Variants in GABPB1 observed in about 807,000 individuals in gnomAD.
GABPB1 encodes GA-binding protein subunit beta-1.
A neutral mutation model predicts 45.9 loss-of-function variants in GABPB1; 15 were observed. That is an observed-to-expected ratio of 0.33 (90% CI 0.22 to 0.50). The LOEUF (loss-of-function observed/expected upper bound fraction) is 0.50. Ranked by LOEUF, GABPB1 falls within the 20% of genes least tolerant of loss-of-function variation. The probability of loss-of-function intolerance (pLI) is 0.98; values close to 1 mark genes in which losing one functional copy is unlikely to be tolerated. For synonymous variants in GABPB1, 143 were observed against 154.4 expected (o/e 0.93, Z 0.55); for missense variants, 252 against 457.5 (o/e 0.55, Z 4.10).
At position 50,324,689 on chromosome 15, in the gene GABPB1, C is replaced by T. The variant is rs549302994; in HGVS notation, c.1-14891G>A. Among the ~76,000 whole-genome samples the T allele has an allele frequency of 7.2e-5, 11 of 151,942 alleles. No homozygotes were observed. The South Asian group carries it at 1.0e-3, about 14-fold the overall frequency. ...CCTCCCAAGTAGCTCGGATTACAGG[C>T]GCATGCCACCACGCCCAGCTAATTT... On this transcript the variant is annotated intron_variant, in intron 1 of 8. Coordinates refer to ENST00000380877, the MANE Select transcript of GABPB1 (RefSeq NM_016654.5).
intron 2 of GABPB1, among the ~76,000 whole-genome samples, chr15:50,304,387 C>T (rs2046866980): frequency 6.6e-6 from 1 of 152,112 alleles, no homozygotes; most frequent in African/African-American, 2.4e-5. Context: ...ATCAGATAAA[C>T]TGCCTGAACA....
chr15:50,305,590 T>A (rs1265951906), intron 2 of GABPB1, among the ~76,000 whole-genome samples: 1 of 152,184 alleles, frequency 6.6e-6, no homozygotes, highest in Non-Finnish European at 1.5e-5. Context: ...TCTTTCTCCA[T>A]GCTTTGTCAA....
chr15:50,298,963 AAAAG>A (rs1352519456), intron 6 of GABPB1, among the ~76,000 whole-genome samples: 1 of 151,760 alleles, frequency 6.6e-6, no homozygotes, highest in Non-Finnish European at 1.5e-5. Context: ...AAAAAAAAAA[AAAAG>A]AAAGAGAAAA....
rs1006975347 is a variant in GABPB1, at chr15:50,344,853, TAATA to T, written c.-1+10128_-1+10131del. On this transcript the variant is annotated intron_variant, in intron 1 of 8. Transcript: ENST00000380877. ...AACTCCGTCTCAAAAAAACAAAAAATAATAAATAAATAAAGCAAAAGTATGCATC... is the reference window on the plus strand; with the variant it reads ...AACTCCGTCTCAAAAAAACAAAAAATAATAAATAAAGCAAAAGTATGCATC... Among the ~76,000 whole-genome samples, 12 of 151,850 alleles carry T rather than the reference TAATA, an allele frequency of 7.9e-5. No individual in the cohort carries two copies. The South Asian group carries it at 1.9e-3, about 24-fold the overall frequency.
In GABPB1 at chr15:50,289,649, T is replaced by C; in HGVS notation, c.717A>G (p.Val239=). The C allele has an allele frequency of 6.2e-7, 1 of 1,610,558 alleles. No homozygotes were observed. The highest frequency in any genetic ancestry group is 1.1e-5 in the South Asian group (1 of 90,382). Residue 239 remains valine (V), a synonymous_variant, in exon 7 of 9, where the codon GTA becomes GTG. Transcript: ENST00000380877. ...SETPVVATEE[V]VTAESVDGAI... ...CACCATCCACAGATTCTGCAGTAAC[T>C]ACTTCTTCTGTGGCCACTACTGGAA...
At chr15:50,299,349 T>A (rs1465754598) in intron 6 of GABPB1, among the ~76,000 whole-genome samples, 4 of 152,258 alleles carry the variant, frequency 2.6e-5, no homozygotes, top group African/African-American at 9.6e-5. Context: ...GTAAATCTTG[T>A]ATAAACCAAA....
chr15:50,320,774 C>G (rs2047541526), intron 1 of GABPB1, among the ~76,000 whole-genome samples: 1 of 152,058 alleles, frequency 6.6e-6, no homozygotes, highest in South Asian at 2.1e-4. Context: ...CAGAAGGTCA[C>G]AGTCAGGGAG....
At chr15:50,301,861 CA>C (rs1275392656) in intron 4 of GABPB1, among the ~76,000 whole-genome samples, 2 of 152,214 alleles carry the variant, frequency 1.3e-5, no homozygotes, top group Non-Finnish European at 2.9e-5. Context: ...CATAATACCA[CA>C]TATATAAAGC....
chr15:50,315,899 A>AC (rs567793645), intron 1 of GABPB1, among the ~76,000 whole-genome samples: 114 of 152,130 alleles, frequency 7.5e-4, no homozygotes, highest in African/African-American at 2.7e-3. Flanking sequence ...ACATGGTGAA[A>AC]CCCCGCCCAT....
chr15:50,323,445 C>T (rs1001205872), intron 1 of GABPB1, among the ~76,000 whole-genome samples: 5 of 152,118 alleles, frequency 3.3e-5, no homozygotes, highest in Admixed American at 6.6e-5. Context: ...AAAAAAAACA[C>T]GTGCAGAGGC....
At chr15:50,329,403 T>C (rs1020997501) in intron 1 of GABPB1, among the ~76,000 whole-genome samples, 1 of 152,236 alleles carries the variant, frequency 6.6e-6, no homozygotes, top group Non-Finnish European at 1.5e-5. Flanking sequence ...TGTATCTCTA[T>C]TGATTCGTAA....
intron 6 of GABPB1, among the ~76,000 whole-genome samples, chr15:50,296,007 C>T (rs1229275172): frequency 1.3e-5 from 2 of 152,132 alleles, no homozygotes; most frequent in Admixed American, 6.5e-5. Context: ...GTACTAACGT[C>T]ATTTCCATTT....
intron 1 of GABPB1, among the ~76,000 whole-genome samples, chr15:50,319,328 C>T (rs185691608): frequency 7.7e-4 from 117 of 152,206 alleles, no homozygotes; most frequent in African/African-American, 2.7e-3. Flanking sequence ...CAGTTTGTTA[C>T]ACGTATATAT....
intron 7 of GABPB1, among the ~76,000 whole-genome samples, chr15:50,287,654 G>A (rs1452508155): frequency 6.6e-6 from 1 of 152,214 alleles, no homozygotes; most frequent in East Asian, 1.9e-4. Flanking sequence ...TTAGCCTTCA[G>A]AGCTGTGAGA....
chr15:50,306,673 A>G (rs2046962271), intron 2 of GABPB1, among the ~76,000 whole-genome samples: 1 of 151,728 alleles, frequency 6.6e-6, no homozygotes, highest in African/African-American at 2.4e-5. Flanking sequence ...CCCTGATCAC[A>G]AGCCCCTCCC....
intron 1 of GABPB1, among the ~76,000 whole-genome samples, chr15:50,310,469 GTAAA>G (rs1241663846): frequency 3.9e-5 from 6 of 152,160 alleles, no homozygotes; most frequent in African/African-American, 1.4e-4. Context: ...TTTCATAAAA[GTAAA>G]TAAAGTGCAA....
At chr15:50,290,095 A>G (rs2046299092) in intron 6 of GABPB1, among the ~76,000 whole-genome samples, 1 of 152,084 alleles carries the variant, frequency 6.6e-6, no homozygotes, top group African/African-American at 2.4e-5. Flanking sequence ...ACCCAGGAAA[A>G]CTTGTACATG....
In GABPB1 at chr15:50,315,779, T is replaced by C. The variant is rs142829220; in HGVS notation, c.1-5981A>G. The stretch of plus-strand genomic sequence containing the variant: ...ACTAATTTACTCAGTTCAATATCTA[T>C]ATATTAAAATTCTGGACGGGTGCAG... On this transcript the variant is annotated intron_variant, in intron 1 of 8. Coordinates refer to ENST00000380877, the MANE Select transcript of GABPB1 (RefSeq NM_016654.5). 2.2e-4 allele frequency among the ~76,000 whole-genome samples: 33 copies of C among 152,264 alleles called. No individual in the cohort carries two copies. The East Asian group carries it at 5.6e-3, about 26-fold the overall frequency.
intron 1 of GABPB1, chr15:50,346,359 CATA>C (rs1287172217): frequency 6.6e-6 from 1 of 152,152 alleles, no homozygotes; most frequent in African/African-American, 2.4e-5. Context: ...AAGAAATCTT[CATA>C]ATTACTCACC....
Sources: allele counts gnomAD v4.1 joint callset (sites outside exome capture counted in the v4.1 genomes callset), GRCh38; gene constraint gnomAD v4.1.1; transcripts MANE v1.5; gene names NCBI Gene and HGNC (gene_info 2026-07-23, HGNC 2026-07-21).